FAM149B1: variants seen among roughly 807,000 people sequenced by gnomAD.
FAM149B1 encodes family with sequence similarity 149 member B1.
Under a neutral mutation model 75.3 loss-of-function variants are expected in FAM149B1, and 56 were observed. That is an observed-to-expected ratio of 0.74 (90% CI 0.60 to 0.93). The LOEUF (loss-of-function observed/expected upper bound fraction) is 0.93. Among genes scored for constraint, FAM149B1 ranks in the 40% least tolerant of loss-of-function variants. FAM149B1 has a pLI of 0.00. For synonymous variants in FAM149B1, 259 were observed against 256.1 expected, an observed-to-expected ratio of 1.01 and a Z score of -0.11; for missense variants, 639 against 708.4, an observed-to-expected ratio of 0.90 and a Z score of 1.11.
Position 73,192,587 on chromosome 10 carries a change from A to G in FAM149B1, c.314A>G (p.Gln105Arg). Residue 105 changes from glutamine to arginine, a missense_variant, in exon 4 of 14, where the codon CAG (glutamine) becomes CGG (arginine). By Grantham distance (43) the Gln-to-Arg change is conservative (BLOSUM62 1). Coordinates refer to ENST00000242505, the MANE Select transcript of FAM149B1 (RefSeq NM_173348.2). ...ELDQNATEKV[Q>R]TMFTAIDELL... ...GATCAAAATGCCACTGAAAAAGTCC[A>G]GACAATGTTCACAGCCATTGATGAA... is the stretch of plus-strand genomic sequence containing the variant. 6.4e-7 allele frequency: 1 copy of G among 1,551,718 alleles called. No homozygotes were observed. The highest frequency in any genetic ancestry group is 8.7e-7 in the Non-Finnish European group (1 of 1,146,970).
intron 7 of FAM149B1, among the ~76,000 whole-genome samples, chr10:73,216,199 T>G (rs2043294797): frequency 6.6e-6 from 1 of 152,146 alleles, no homozygotes; most frequent in Non-Finnish European, 1.5e-5. Context: ...CTGTTTCATC[T>G]GCTATAAGTG....
intron 3 of FAM149B1, among the ~76,000 whole-genome samples, chr10:73,184,979 T>C (rs917178950): frequency 1.5e-4 from 23 of 152,108 alleles, no homozygotes; most frequent in Non-Finnish European, 1.8e-4. Context: ...AGTCAGTAAA[T>C]TGACAAATCA....
chr10:73,215,003 T>TG (rs914025220), intron 7 of FAM149B1, among the ~76,000 whole-genome samples: 2 of 152,060 alleles, frequency 1.3e-5, no homozygotes, highest in Non-Finnish European at 2.9e-5. Flanking sequence ...TTGTTGTTGT[T>TG]GTTTGTTTTT....
chr10:73,200,952 G>A (rs528274108), intron 5 of FAM149B1: 7 of 440,456 alleles, frequency 1.6e-5, no homozygotes, highest in South Asian at 9.6e-5. Flanking sequence ...ATACTATCAT[G>A]AGGGAATTCT....
chr10:73,191,919 A>G (rs1212811279), intron 3 of FAM149B1, among the ~76,000 whole-genome samples: 2 of 151,662 alleles, frequency 1.3e-5, no homozygotes, highest in South Asian at 4.2e-4. Flanking sequence ...TTTTTGAGAC[A>G]CAGTCTAGCT....
intron 3 of FAM149B1, among the ~76,000 whole-genome samples, chr10:73,179,238 C>T (rs561279928): frequency 6.6e-6 from 1 of 152,284 alleles, no homozygotes; most frequent in African/African-American, 2.4e-5. Context: ...GCTGGGATTA[C>T]AGGCATGAGC....
At chr10:73,208,815 C>T (rs990487375) in intron 6 of FAM149B1, 29 bp downstream of exon 6, 10 of 1,358,156 alleles carry the variant, frequency 7.4e-6, no homozygotes, top group Middle Eastern at 1.9e-4. Context: ...AAGCTTTTTA[C>T]TCCCCTCTTA....
Position 73,192,605 on chromosome 10 carries a change from T to C in FAM149B1, c.332T>C (p.Ile111Thr), listed in dbSNP as rs1287763255. 2 of 1,551,828 alleles carry C rather than the reference T, an allele frequency of 1.3e-6. No individual in the cohort carries two copies. The highest frequency in any genetic ancestry group is 1.4e-5 in the African/African-American group (1 of 73,036). ...TEKVQTMFTA[I>T]DELLYEQKLS... ...AAAGTCCAGACAATGTTCACAGCCA[T>C]TGATGAACTCTTGTATGAGCAGAAG... is the stretch of plus-strand genomic sequence containing the variant. The change falls in exon 4 of 14, where the codon ATT becomes ACT. Residue 111 changes from isoleucine to threonine, a missense_variant. Coordinates refer to ENST00000242505, the MANE Select transcript of FAM149B1 (RefSeq NM_173348.2).
At chr10:73,214,273 C>G (rs913261178) in intron 7 of FAM149B1, among the ~76,000 whole-genome samples, 5 of 152,176 alleles carry the variant, frequency 3.3e-5, no homozygotes, top group Non-Finnish European at 5.9e-5. Context: ...GGGCAATTTG[C>G]CTTCCTCTTT....
intron 7 of FAM149B1, among the ~76,000 whole-genome samples, chr10:73,227,491 C>T (rs746930594): frequency 6.6e-5 from 10 of 152,096 alleles, no homozygotes; most frequent in Non-Finnish European, 1.3e-4. Context: ...CTTGCTGATC[C>T]GACTATGCTG....
chr10:73,194,701 G>C (rs111726339), intron 5 of FAM149B1, among the ~76,000 whole-genome samples: 7,993 of 147,386 alleles, frequency 0.054, 624 homozygotes, highest in African/African-American at 0.18. Context: ...TCTTGAGACA[G>C]AATCTTGCTC....
At chr10:73,172,702 G>C (rs1843765557) in intron 1 of FAM149B1, among the ~76,000 whole-genome samples, 1 of 152,040 alleles carries the variant, frequency 6.6e-6, no homozygotes, top group Admixed American at 6.6e-5. Context: ...TGACCCCATA[G>C]CTTAATCCAG....
intron 5 of FAM149B1, among the ~76,000 whole-genome samples, chr10:73,196,960 G>A (rs140001962): frequency 2.8e-4 from 43 of 152,310 alleles, no homozygotes; most frequent in African/African-American, 9.1e-4. Context: ...GACAGTGCCT[G>A]TAACATGGTT....
chr10:73,202,339 A>C (rs2042957757), intron 5 of FAM149B1, among the ~76,000 whole-genome samples: 1 of 152,158 alleles, frequency 6.6e-6, no homozygotes, highest in Non-Finnish European at 1.5e-5. Context: ...TTTATTTTTC[A>C]ACACAAAGAA....
intron 2 of FAM149B1, 45 bp downstream of exon 2, chr10:73,174,836 G>C (rs1164101776): frequency 2.2e-6 from 3 of 1,342,322 alleles, no homozygotes; most frequent in Non-Finnish European, 3.1e-6. Context: ...ACTTGCTCAT[G>C]GCAGAGGTTT....
intron 7 of FAM149B1, among the ~76,000 whole-genome samples, chr10:73,213,727 C>T (rs887420390): frequency 3.9e-5 from 6 of 152,030 alleles, no homozygotes; most frequent in Non-Finnish European, 5.9e-5. Context: ...ATTACTATAC[C>T]CTTGTATAAT....
Position 73,243,788 on chromosome 10 carries a change from T to C in FAM149B1, c.*2769T>C. On this transcript the variant is annotated 3_prime_UTR_variant, in exon 14 of 14. Transcript: ENST00000242505. ...ACAAAATACAACATTCCAAAGAAAA[T>C]ATTAGCAGTAGGAATCAGATCATTA... is the stretch of plus-strand genomic sequence containing the variant. The C allele has an allele frequency of 6.9e-7, 1 of 1,459,752 alleles. No individual in the cohort carries two copies. Among genetic ancestry groups the C allele is most frequent in the Non-Finnish European group, 9.5e-7 (1 of 1,052,936 alleles). The allele number at this position is 1,459,752 out of a possible 1,614,324, so 90.4% of individuals were successfully genotyped here.
At chr10:73,213,517 A>C (rs113001586) in intron 7 of FAM149B1, among the ~76,000 whole-genome samples, 24 of 152,082 alleles carry the variant, frequency 1.6e-4, no homozygotes, top group African/African-American at 5.8e-4. Flanking sequence ...GGGTTCTCTT[A>C]ATTTTTGTAT....
chr10:73,213,233 CT>C (rs1340182612), intron 7 of FAM149B1, among the ~76,000 whole-genome samples: 3 of 152,082 alleles, frequency 2.0e-5, no homozygotes, highest in Admixed American at 2.0e-4. Context: ...GATATTAGTC[CT>C]TTGTCAGATG....
Sources: gnomAD v4.1 joint callset for allele counts (sites outside exome capture counted in the v4.1 genomes callset) on GRCh38, gnomAD v4.1.1 for gene constraint, MANE v1.5 for transcripts, NCBI Gene and HGNC (gene_info 2026-07-23, HGNC 2026-07-21) for gene names.